FDXR: variants seen among roughly 807,000 people sequenced by gnomAD.
FDXR encodes ferredoxin reductase, also known as NADPH:adrenodoxin oxidoreductase, mitochondrial.
In FDXR, 38 loss-of-function variants were observed where a neutral mutation model predicts 58.3. The ratio of observed to expected loss-of-function variants is 0.65; its 90% CI spans 0.50 to 0.85. The LOEUF (loss-of-function observed/expected upper bound fraction) is 0.85. Among genes scored for constraint, FDXR ranks in the 40% least tolerant of loss-of-function variants. FDXR has a pLI of 0.00. For synonymous variants in FDXR, 275 were observed against 273.8 expected, an observed-to-expected ratio of 1.00 and a Z score of -0.04; for missense variants, 624 against 671.0, an observed-to-expected ratio of 0.93 and a Z score of 0.77.
intron 2 of FDXR, among the ~76,000 whole-genome samples, chr17:74,869,730 C>T (rs1243762379): frequency 6.6e-6 from 1 of 152,214 alleles, no homozygotes; most frequent in Non-Finnish European, 1.5e-5. Flanking sequence ...GTCCCCTCCA[C>T]ATTCGAATGT....
At chr17:74,866,276 G>A in intron 4 of FDXR, 32 bp from the exon 5 acceptor site, 1 of 1,597,908 alleles carries the variant, frequency 6.3e-7, no homozygotes, top group Non-Finnish European at 8.6e-7. Flanking sequence ...GAGACCCACA[G>A]CCTTCAGCAC....
chr17:74,864,891 T>A lies in FDXR; in HGVS notation c.650A>T (p.Gln217Leu). The A allele has an allele frequency of 6.2e-7, 1 of 1,614,196 alleles. No homozygotes were observed. The highest frequency in any genetic ancestry group is 8.5e-7 in the Non-Finnish European group (1 of 1,180,028). Residue 217 changes from glutamine to leucine, a missense_variant, in exon 7 of 12, where the codon CAG (glutamine) becomes CTG (leucine). Transcript: ENST00000293195. ...TAGCCACACTGTCTTCACTCGACTC[T>A]GCCTCAGTACACCCAGGGCTGCCTT... ...ITKAALGVLR[Q>L]SRVKTVWLVG...
chr17:74,872,779 C>T (rs1279400713), intron 1 of FDXR, 87 bp downstream of exon 1: 4 of 1,537,552 alleles, frequency 2.6e-6, no homozygotes, highest in Non-Finnish European at 3.5e-6. Context: ...CCTTCTCCAG[C>T]CCTGCCCCAG....
intron 2 of FDXR, chr17:74,868,085 G>C (rs573342220): frequency 3.0e-5 from 5 of 165,592 alleles, no homozygotes; most frequent in Non-Finnish European, 6.2e-5. Context: ...CCACCTCTTC[G>C]CCTTTGCCCA....
chr17:74,866,308 C>T (rs1024259725), intron 4 of FDXR, 64 bp from the exon 5 acceptor site: 8 of 1,565,438 alleles, frequency 5.1e-6, no homozygotes, highest in Non-Finnish European at 7.0e-6. Context: ...GGCCGGGCAG[C>T]CCCCCAGGCT....
chr17:74,870,633 C>G (rs912725608), intron 2 of FDXR, among the ~76,000 whole-genome samples: 1 of 151,912 alleles, frequency 6.6e-6, no homozygotes, highest in African/African-American at 2.4e-5. Flanking sequence ...CAGGGCCTCT[C>G]CAGCCCCCAT....
intron 6 of FDXR, 139 bp downstream of exon 6, chr17:74,865,580 A>C (rs2038146191): frequency 3.3e-6 from 2 of 606,360 alleles, no homozygotes; most frequent in East Asian, 2.8e-5. Context: ...CCCTTCAGAG[A>C]GCCTCTGCCT....
At position 74,864,389 on chromosome 17, in the gene FDXR, C is replaced by T. The variant is rs113443078; in HGVS notation, c.803-42G>A. On this transcript the variant is annotated intron_variant, in intron 8 of 11. Transcript: ENST00000293195. The stretch of plus-strand genomic sequence containing the variant: ...ATGTCTCCAGGCTGTCCCTGGGCCC[C>T]GGCCCTCTCCCTGCATGCCCTTCCC... 9.8e-5 allele frequency: 156 copies of T among 1,594,504 alleles called. 3 individuals are homozygous for T. The highest frequency in any genetic ancestry group is 9.7e-4 in the African/African-American group (72 of 74,462).
In FDXR at chr17:74,863,907, A is replaced by G. The variant is rs1598513596; in HGVS notation, c.1163T>C (p.Met388Thr). The G allele has an allele frequency of 6.2e-7, 1 of 1,613,096 alleles. No homozygotes were observed. The stretch of plus-strand genomic sequence containing the variant: ...TCACACCCTCTCACCTGGCACATCC[A>G]TAACCCGGCCCTCCACATTGGGGAT... ...GVIPNVEGRV[M>T]DVPGLYCSGW... is the part of the protein sequence containing the mutation. The change falls in exon 10 of 12, where the codon ATG becomes ACG. Residue 388 changes from methionine to threonine, a missense_variant. Met to Thr is a moderately conservative substitution (Grantham distance 81). Transcript: ENST00000293195.
chr17:74,862,837 G>A lies in FDXR; in HGVS notation c.1456C>T (p.Leu486=), dbSNP rs1166835256. ...TGGGCTCAGTGGCCCAGGAGGCGCAGCATCTCCTGAGGATCCACCAGCTTC... is the reference window on the plus strand; with the variant it reads ...TGGGCTCAGTGGCCCAGGAGGCGCAACATCTCCTGAGGATCCACCAGCTTC... The part of the protein sequence containing the change: ...REKLVDPQEM[L]RLLGH The change falls in exon 12 of 12, where the codon CTG becomes TTG. Residue 486 remains leucine (L), a synonymous_variant. Transcript: ENST00000293195. The A allele has an allele frequency of 6.2e-7, 1 of 1,611,818 alleles. No homozygotes were observed. Among genetic ancestry groups the A allele is most frequent in the Admixed American group, 1.7e-5 (1 of 60,010 alleles).
At chr17:74,868,822 A>C in intron 2 of FDXR, 1 of 1,336,938 alleles carries the variant, frequency 7.5e-7, no homozygotes, top group Non-Finnish European at 9.9e-7. Flanking sequence ...GCGACCCCAA[A>C]TTCCCCTGAA....
intron 2 of FDXR, 189 bp from the exon 3 acceptor site, chr17:74,867,065 G>A: frequency 1.5e-6 from 2 of 1,300,232 alleles, no homozygotes; most frequent in South Asian, 3.1e-5. Flanking sequence ...CCAGCACTTT[G>A]GGAGGCTGAG....
In FDXR at chr17:74,863,169, C is replaced by G. The variant is rs141101303; in HGVS notation, c.1252G>C (p.Gly418Arg). The G allele has an allele frequency of 6.2e-7, 1 of 1,613,858 alleles. No individual in the cohort carries two copies. Among genetic ancestry groups the G allele is most frequent in the Admixed American group, 1.7e-5 (1 of 60,004 alleles). The stretch of plus-strand genomic sequence containing the variant: ...TTCAGGTCCTGCAGCAGCATCTGGC[C>G]GGTGAGGAAGCTGTCAGTCATGGTT... Reference protein sequence around the residue: ...ATTMTDSFLTGQMLLQDLKAG... With the variant: ...ATTMTDSFLTRQMLLQDLKAG... The change falls in exon 11 of 12, where the codon GGC (glycine) becomes CGC (arginine). Residue 418 changes from glycine to arginine, a missense_variant. Physicochemically the swap from Gly to Arg is moderately radical, Grantham distance 125. Coordinates refer to ENST00000293195, the MANE Select transcript of FDXR (RefSeq NM_024417.5).
intron 2 of FDXR, chr17:74,868,180 CA>C (rs1287410866): frequency 3.1e-6 from 1 of 323,376 alleles, no homozygotes; most frequent in Admixed American, 4.1e-5. Context: ...AGGCCAGCCA[CA>C]GGGGGCTACC....
intron 10 of FDXR, 64 bp from the exon 11 acceptor site, chr17:74,863,310 G>A: frequency 1.4e-6 from 2 of 1,450,822 alleles, no homozygotes; most frequent in East Asian, 2.5e-5. Context: ...GCCATCCTGT[G>A]CCCACAATCT....
chr17:74,872,796 T>C, intron 1 of FDXR, 70 bp downstream of exon 1: 2 of 1,539,020 alleles, frequency 1.3e-6, no homozygotes, highest in Non-Finnish European at 1.7e-6. Flanking sequence ...CCAGCTCTGC[T>C]CCGACCCCTA....
At chr17:74,867,339 C>T (rs1029474979) in intron 2 of FDXR, among the ~76,000 whole-genome samples, 3 of 145,956 alleles carry the variant, frequency 2.1e-5, no homozygotes, top group Admixed American at 6.8e-5. Flanking sequence ...AAAAAGACGA[C>T]GACGGCCGGC....
chr17:74,865,643 G>T, intron 6 of FDXR, 76 bp downstream of exon 6: 1 of 1,028,368 alleles, frequency 9.7e-7, no homozygotes, highest in South Asian at 1.4e-5. Flanking sequence ...GGTAAGGCCT[G>T]AACCCTGCAG....
rs763067630 is a variant in FDXR, at chr17:74,864,858, C to A, written c.683G>T (p.Arg228Leu). ...SRVKTVWLVG[R>L]RGPLQVAFTI... ...GAAGGCCACTTGCAGGGGTCCACGC[C>A]GGCCCACTAGCCACACTGTCTTCAC... Residue 228 changes from arginine to leucine, a missense_variant, in exon 7 of 12, where the codon CGG becomes CTG. Arg to Leu is a moderately radical substitution (Grantham distance 102). Coordinates refer to ENST00000293195, the MANE Select transcript of FDXR (RefSeq NM_024417.5). 3.0e-5 allele frequency: 49 copies of A among 1,613,982 alleles called. No homozygotes were observed. Among genetic ancestry groups the A allele is most frequent in the Non-Finnish European group, 4.1e-5 (48 of 1,180,006 alleles).
Sources: gnomAD v4.1 joint callset for allele counts (sites outside exome capture counted in the v4.1 genomes callset) on GRCh38, gnomAD v4.1.1 for gene constraint, MANE v1.5 for transcripts, NCBI Gene and HGNC (gene_info 2026-07-23, HGNC 2026-07-21) for gene names.